Variants in CAMK4 observed in about 807,000 individuals in gnomAD.
CAMK4 encodes calcium/calmodulin dependent protein kinase IV.
A neutral mutation model predicts 44.9 loss-of-function variants in CAMK4; 22 were observed. The ratio of observed to expected loss-of-function variants is 0.49; its 90% CI spans 0.35 to 0.70. The LOEUF (loss-of-function observed/expected upper bound fraction) is 0.70, where lower values mean the gene tolerates loss of function less well. Among genes scored for constraint, CAMK4 ranks in the 30% least tolerant of loss-of-function variants. CAMK4 has a pLI of 0.01. For synonymous variants in CAMK4, 218 were observed against 215.4 expected (o/e 1.01, Z -0.11); for missense variants, 498 against 586.8 (o/e 0.85, Z 1.56).
intron 5 of CAMK4, among the ~76,000 whole-genome samples, chr5:111,395,292 A>G (rs1463942411): frequency 6.6e-6 from 1 of 151,712 alleles, no homozygotes; most frequent in African/African-American, 2.4e-5. Flanking sequence ...TGTATTTTCT[A>G]TTGATGACTC....
chr5:111,342,710 C>T (rs776091515), intron 1 of CAMK4, among the ~76,000 whole-genome samples: 2 of 151,338 alleles, frequency 1.3e-5, no homozygotes, highest in Admixed American at 1.3e-4. Context: ...CCTTTGCAAT[C>T]CATTCTTGAA....
intron 7 of CAMK4, among the ~76,000 whole-genome samples, chr5:111,458,308 G>A (rs1452393273): frequency 6.6e-6 from 1 of 152,218 alleles, no homozygotes; most frequent in Non-Finnish European, 1.5e-5. Flanking sequence ...AAGGGACTCT[G>A]CAGGTTGGGC....
chr5:111,273,644 T>A, intron 1 of CAMK4, among the ~76,000 whole-genome samples: 1 of 143,588 alleles, frequency 7.0e-6, no homozygotes, highest in African/African-American at 2.5e-5. Flanking sequence ...GTTTCCTCTT[T>A]GAAATGTTAT....
chr5:111,343,989 C>A, intron 1 of CAMK4, 35 bp from the exon 2 acceptor site: 1 of 1,253,492 alleles, frequency 8.0e-7, no homozygotes, highest in Non-Finnish European at 1.2e-6. Context: ...ATGTCCAAAG[C>A]ATAACATTTT....
chr5:111,448,730 G>C (rs542308183), intron 6 of CAMK4, among the ~76,000 whole-genome samples: 1 of 152,036 alleles, frequency 6.6e-6, no homozygotes, highest in Non-Finnish European at 1.5e-5. Context: ...GCTTGAACCC[G>C]GGAGGCAGAG....
At chr5:111,297,861 C>G (rs1747555457) in intron 1 of CAMK4, among the ~76,000 whole-genome samples, 1 of 152,130 alleles carries the variant, frequency 6.6e-6, no homozygotes, top group South Asian at 2.1e-4. Flanking sequence ...TGCCTTTTAC[C>G]TGTAGTTGTG....
rs141488571 is a variant in CAMK4, at chr5:111,409,126, G to A, written c.459+14344G>A. On this transcript the variant is annotated intron_variant, in intron 5 of 10. Transcript: ENST00000282356. ...TCACAGCTCCACTAGGCAGTGCCCT[G>A]GTGAGGACTTTGTGTGGGGGCTACA... Among the ~76,000 whole-genome samples the A allele has an allele frequency of 9.7e-3, 1,475 of 152,272 alleles. 23 individuals are homozygous for A. Among genetic ancestry groups the A allele is most frequent in the African/African-American group, 0.032 (1,325 of 41,526 alleles).
chr5:111,330,446 T>G (rs1219631698), intron 1 of CAMK4, among the ~76,000 whole-genome samples: 1 of 151,418 alleles, frequency 6.6e-6, no homozygotes, highest in African/African-American at 2.4e-5. Context: ...TAATCCTAAT[T>G]AAAATCCTAG....
At chr5:111,353,899 CAA>C (rs1380443432) in intron 2 of CAMK4, among the ~76,000 whole-genome samples, 1 of 151,948 alleles carries the variant, frequency 6.6e-6, no homozygotes, top group African/African-American at 2.4e-5. Flanking sequence ...TTAATATTGC[CAA>C]AGTGTCAGTA....
At chr5:111,225,020 C>T (rs1414265419) in intron 1 of CAMK4, among the ~76,000 whole-genome samples, 1 of 152,156 alleles carries the variant, frequency 6.6e-6, no homozygotes, top group Non-Finnish European at 1.5e-5. Flanking sequence ...GGGTGGGGGC[C>T]GGAGGGTGCC....
chr5:111,323,152 G>A (rs1449390738), intron 1 of CAMK4, among the ~76,000 whole-genome samples: 2 of 152,058 alleles, frequency 1.3e-5, no homozygotes, highest in Non-Finnish European at 2.9e-5. Flanking sequence ...GAGGCTTACT[G>A]AACAGCAAAC....
chr5:111,435,128 G>A (rs1232999022), intron 5 of CAMK4, among the ~76,000 whole-genome samples: 1 of 152,180 alleles, frequency 6.6e-6, no homozygotes, highest in African/African-American at 2.4e-5. Flanking sequence ...GGGAATTTGA[G>A]ATTTTGGTTA....
intron 8 of CAMK4, among the ~76,000 whole-genome samples, chr5:111,476,944 C>A (rs1336649923): frequency 6.6e-6 from 1 of 152,174 alleles, no homozygotes; most frequent in Non-Finnish European, 1.5e-5. Flanking sequence ...CTTCAGTGGT[C>A]ATTTTTGTCT....
intron 2 of CAMK4, among the ~76,000 whole-genome samples, chr5:111,369,701 A>G (rs759521748): frequency 2.6e-5 from 4 of 152,150 alleles, no homozygotes; most frequent in Non-Finnish European, 5.9e-5. Context: ...ACCCCTGCAG[A>G]TACCAAAATT....
chr5:111,308,628 A>G (rs1049202685), intron 1 of CAMK4, among the ~76,000 whole-genome samples: 5 of 152,196 alleles, frequency 3.3e-5, no homozygotes, highest in African/African-American at 1.2e-4. Flanking sequence ...GTCCAGTGGG[A>G]AACAGAATGT....
At chr5:111,361,107 A>C (rs938750253) in intron 2 of CAMK4, among the ~76,000 whole-genome samples, 2 of 152,116 alleles carry the variant, frequency 1.3e-5, no homozygotes, top group African/African-American at 4.8e-5. Context: ...CCTTGAAAGA[A>C]TAGGCAGTGA....
intron 1 of CAMK4, among the ~76,000 whole-genome samples, chr5:111,271,977 T>G (rs769256000): frequency 2.0e-5 from 3 of 152,130 alleles, no homozygotes; most frequent in Non-Finnish European, 4.4e-5. Flanking sequence ...TTTTAAATAT[T>G]CTGAGAAGTA....
intron 1 of CAMK4, among the ~76,000 whole-genome samples, chr5:111,250,950 C>T (rs1749463620): frequency 6.6e-6 from 1 of 152,178 alleles, no homozygotes; most frequent in Admixed American, 6.6e-5. Context: ...GCCACTGCAC[C>T]CAGCCATTAT....
At chr5:111,387,077 C>T (rs1751631091) in intron 4 of CAMK4, among the ~76,000 whole-genome samples, 1 of 152,170 alleles carries the variant, frequency 6.6e-6, no homozygotes, top group Admixed American at 6.5e-5. Flanking sequence ...TTAACTGCTT[C>T]CTTATTATTT....
Sources: allele counts gnomAD v4.1 joint callset (sites outside exome capture counted in the v4.1 genomes callset), GRCh38; gene constraint gnomAD v4.1.1; transcripts MANE v1.5; gene names NCBI Gene and HGNC (gene_info 2026-07-23, HGNC 2026-07-21).